TMEM121: variants seen among roughly 807,000 people sequenced by gnomAD.
TMEM121 encodes transmembrane protein 121.
In TMEM121, 8 loss-of-function variants were observed where a neutral mutation model predicts 16.4. That is an observed-to-expected ratio of 0.49 (90% confidence interval 0.29 to 0.88). The LOEUF is 0.88. TMEM121 is among the 40% of genes least tolerant of loss of function. The pLI is 0.09. For synonymous variants in TMEM121, 235 were observed against 226.2 expected (o/e 1.04, Z -0.35); for missense variants, 401 against 462.0 (o/e 0.87, Z 1.21).
rs1555444177 is a variant in TMEM121 at position 105,529,127 on chromosome 14, AGGCGGCGCGGCGCGGCGC to A, written c.299_316del (p.Ala100_Ala105del). ...CTCTACTTCATCTTCCAGAACTACA[AGGCGGCGCGGCGCGGCGC>A]GGCGGACCCCGTGGCGCGCAAGGCG... On this transcript the variant is annotated inframe_deletion, in exon 2 of 2. Coordinates refer to ENST00000392519, the MANE Select transcript of TMEM121 (RefSeq NM_025268.4). 1.2e-6 allele frequency: 2 copies of A among 1,608,540 alleles called. No individual in the cohort carries two copies. The highest frequency in any genetic ancestry group is 1.1e-5 in the South Asian group (1 of 90,876).
At position 105,529,136 on chromosome 14, in the gene TMEM121, G is replaced by A. The variant is rs782153486; in HGVS notation, c.302G>A (p.Arg101Gln). The change falls in exon 2 of 2, where the codon CGG becomes CAG. Residue 101 changes from arginine to glutamine, a missense_variant. Arg to Gln is a conservative substitution (Grantham distance 43). Coordinates refer to ENST00000392519, the MANE Select transcript of TMEM121 (RefSeq NM_025268.4). ...ATCTTCCAGAACTACAAGGCGGCGC[G>A]GCGCGGCGCGGCGGACCCCGTGGCG... ...YFIFQNYKAA[R>Q]RGAADPVARK... The A allele has an allele frequency of 5.0e-6, 8 of 1,602,966 alleles. No homozygotes were observed. In the African/African-American group the frequency reaches 5.3e-5, roughly 11 times the overall value.
At chr14:105,527,059 G>C (rs913857157) in intron 1 of TMEM121, 4 of 152,848 alleles carry the variant, frequency 2.6e-5, no homozygotes, top group Middle Eastern at 3.4e-3. Flanking sequence ...GCCTCGGCCG[G>C]GGCCCAGGAG....
At position 105,529,127 on chromosome 14, in the gene TMEM121, AGGC is replaced by A; in HGVS notation, c.298_300del (p.Ala100del). ...CTCTACTTCATCTTCCAGAACTACA[AGGC>A]GGCGCGGCGCGGCGCGGCGGACCCC... On this transcript the variant is annotated inframe_deletion, in exon 2 of 2. Transcript: ENST00000392519. 1 of 1,608,540 alleles carries A rather than the reference AGGC, an allele frequency of 6.2e-7. No homozygotes were observed. Among genetic ancestry groups the A allele is most frequent in the Non-Finnish European group, 8.5e-7 (1 of 1,178,970 alleles).
rs1160915586 is a variant in TMEM121, at chr14:105,528,801, C to T, written c.-34C>T. The T allele has an allele frequency of 1.2e-5, 16 of 1,352,974 alleles. No homozygotes were observed. The highest frequency in any genetic ancestry group is 1.4e-5 in the Non-Finnish European group (15 of 1,060,852). 83.8% of individuals were successfully genotyped at this position (1,352,974 alleles called of 1,614,324 possible). ...GCCTCGTCCCGCCAGGCGTGGGGGC[C>T]GCGCGCGCCCAGGCCGGGGCCCGGC... On this transcript the variant is annotated 5_prime_UTR_variant, in exon 2 of 2. Transcript: ENST00000392519.
Position 105,529,203 on chromosome 14 carries a change from C to T in TMEM121, c.369C>T (p.Gly123=). ...TGCTGCTGTCTGTGTGTGTGCCCGG[C>T]CTGTTCCTGCTGCTCGTGGCGCTGG... ...LTLLLSVCVP[G]LFLLLVALDR... is the part of the protein sequence containing the mutation. The change falls in exon 2 of 2, where the codon GGC becomes GGT. Residue 123 remains glycine (G), a synonymous_variant. Coordinates refer to ENST00000392519, the MANE Select transcript of TMEM121 (RefSeq NM_025268.4). 1.3e-6 allele frequency: 2 copies of T among 1,581,426 alleles called. No individual in the cohort carries two copies. Among genetic ancestry groups the T allele is most frequent in the South Asian group, 1.1e-5 (1 of 87,998 alleles).
Position 105,529,513 on chromosome 14 carries a change from G to A in TMEM121, c.679G>A (p.Val227Met), listed in dbSNP as rs1033308401. The change falls in exon 2 of 2, where the codon GTG becomes ATG. Residue 227 changes from valine to methionine, a missense_variant. Coordinates refer to ENST00000392519, the MANE Select transcript of TMEM121 (RefSeq NM_025268.4). ...GGTGCTCAGCCTCGCCACCGTCAAT[G>A]TGGTGGCCGTGCTGGCGCGCGCCGC... The part of the protein sequence containing the change: ...YPVLSLATVN[V>M]VAVLARAANM... 4 of 1,540,862 alleles carry A rather than the reference G, an allele frequency of 2.6e-6. No homozygotes were observed. Among genetic ancestry groups the A allele is most frequent in the Non-Finnish European group, 3.5e-6 (4 of 1,144,294 alleles).
At position 105,529,985 on chromosome 14, in the gene TMEM121, C is replaced by G; in HGVS notation, c.*191C>G. 1 of 566,916 alleles carries G rather than the reference C, an allele frequency of 1.8e-6. No homozygotes were observed. Among genetic ancestry groups the G allele is most frequent in the Non-Finnish European group, 3.0e-6 (1 of 338,350 alleles). 35.1% of individuals were successfully genotyped at this position (566,916 alleles called of 1,614,324 possible). A position where few individuals can be genotyped will look rare whatever the true frequency, so the allele number is the denominator to read the frequency against. ...TCGGACCGCGGATCCTCAGCCCCCG[C>G]TCCACCAGCCCGCCCCAGCGCGTGG... On this transcript the variant is annotated 3_prime_UTR_variant, in exon 2 of 2. Transcript: ENST00000392519.
In TMEM121 at chr14:105,528,756, C is replaced by G. The variant is rs587678848; in HGVS notation, c.-79C>G. On this transcript the variant is annotated 5_prime_UTR_variant, in exon 2 of 2. Transcript: ENST00000392519. ...TCGCCGGGCCGTGTCGCGCCATGCC[C>G]GCTGGCTGAGCGCCGCAGGGCCTCG... The G allele has an allele frequency of 1.7e-6, 2 of 1,176,182 alleles. No individual in the cohort carries two copies. The highest frequency in any genetic ancestry group is 2.1e-6 in the Non-Finnish European group (2 of 953,238). 72.9% of individuals were successfully genotyped at this position (1,176,182 alleles called of 1,614,324 possible).
In TMEM121 at chr14:105,529,582, G is replaced by A; in HGVS notation, c.748G>A (p.Val250Ile). Residue 250 changes from valine (V) to isoleucine (I), a missense_variant, in exon 2 of 2, where the codon GTC becomes ATC. Val to Ile is a conservative substitution (Grantham distance 29). Coordinates refer to ENST00000392519, the MANE Select transcript of TMEM121 (RefSeq NM_025268.4). ...FRDSRVSAIF[V>I]GKNVVALATK... ...GGACAGCCGTGTCTCGGCCATCTTC[G>A]TCGGCAAAAACGTGGTGGCGCTCGC... is the stretch of plus-strand genomic sequence containing the variant. 1.3e-6 allele frequency: 2 copies of A among 1,564,656 alleles called. No individual in the cohort carries two copies. The highest frequency in any genetic ancestry group is 1.7e-6 in the Non-Finnish European group (2 of 1,162,494).
At position 105,529,424 on chromosome 14, in the gene TMEM121, T is replaced by G. The variant is rs1337752496; in HGVS notation, c.590T>G (p.Val197Gly). Residue 197 changes from valine (V) to glycine (G), a missense_variant, in exon 2 of 2, where the codon GTG becomes GGG. By Grantham distance (109) the Val-to-Gly change is moderately radical. Coordinates refer to ENST00000392519, the MANE Select transcript of TMEM121 (RefSeq NM_025268.4). ...ATGCTGCTGCTGGTGCTGCCGTGCGTGGCGCTCAGCGAGGTCAGCATGCAG... is the reference window on the plus strand; with the variant it reads ...ATGCTGCTGCTGGTGCTGCCGTGCGGGGCGCTCAGCGAGGTCAGCATGCAG... ...CYMLLLVLPC[V>G]ALSEVSMQGE... 1 of 1,545,792 alleles carries G rather than the reference T, an allele frequency of 6.5e-7. No individual in the cohort carries two copies. The highest frequency in any genetic ancestry group is 8.7e-7 in the Non-Finnish European group (1 of 1,146,868).
Position 105,529,822 on chromosome 14 carries a change from C to T in TMEM121, c.*28C>T, listed in dbSNP as rs1555444397. On this transcript the variant is annotated 3_prime_UTR_variant, in exon 2 of 2. Coordinates refer to ENST00000392519, the MANE Select transcript of TMEM121 (RefSeq NM_025268.4). The stretch of plus-strand genomic sequence containing the variant: ...GGGCCCGCGCGGCCCCCGACACGCC[C>T]CTGGGGCGCAGAGACACCGGGTTGG... 7.2e-7 allele frequency: 1 copy of T among 1,388,078 alleles called. No individual in the cohort carries two copies. Among genetic ancestry groups the T allele is most frequent in the Non-Finnish European group, 9.2e-7 (1 of 1,081,230 alleles). The allele number at this position is 1,388,078 out of a possible 1,614,324, so 86.0% of individuals were successfully genotyped here.
chr14:105,527,653 G>A lies in TMEM121; in HGVS notation c.-114+1000G>A, dbSNP rs2084599876. On this transcript the variant is annotated intron_variant, in intron 1 of 1. Coordinates refer to ENST00000392519, the MANE Select transcript of TMEM121 (RefSeq NM_025268.4). ...TTCCCGGATCGGTGGGGCCTGCGGT[G>A]TCACCAGGGCAGTCCGAGCGCCCGA... Among the ~76,000 whole-genome samples, 4 of 152,126 alleles carry A rather than the reference G, an allele frequency of 2.6e-5. No homozygotes were observed. In the South Asian group the frequency reaches 8.3e-4, roughly 32 times the overall value.
At position 105,529,116 on chromosome 14, in the gene TMEM121, C is replaced by T. The variant is rs782344634; in HGVS notation, c.282C>T (p.Phe94=). The change falls in exon 2 of 2, where the codon TTC becomes TTT. Residue 94 remains phenylalanine, a synonymous_variant. Coordinates refer to ENST00000392519, the MANE Select transcript of TMEM121 (RefSeq NM_025268.4). The stretch of plus-strand genomic sequence containing the variant: ...TGGAGATCAAGCTCTACTTCATCTT[C>T]CAGAACTACAAGGCGGCGCGGCGCG... The part of the protein sequence containing the change: ...FVLEIKLYFI[F]QNYKAARRGA... 37 of 1,610,834 alleles carry T rather than the reference C, an allele frequency of 2.3e-5. No homozygotes were observed. Among genetic ancestry groups the T allele is most frequent in the Non-Finnish European group, 3.0e-5 (35 of 1,179,670 alleles).
At position 105,529,311 on chromosome 14, in the gene TMEM121, C is replaced by T; in HGVS notation, c.477C>T (p.Asp159=). The change falls in exon 2 of 2, where the codon GAC becomes GAT. Residue 159 remains aspartate (D), a synonymous_variant. Coordinates refer to ENST00000392519, the MANE Select transcript of TMEM121 (RefSeq NM_025268.4). The part of the protein sequence containing the change: ...RLFWVALDLL[D]LLDMQASLWE... ...TTTGGGTGGCGCTGGACCTGCTGGA[C>T]CTGCTGGACATGCAGGCCAGCCTGT... is the stretch of plus-strand genomic sequence containing the variant. The T allele has an allele frequency of 6.5e-7, 1 of 1,538,934 alleles. No individual in the cohort carries two copies. Among genetic ancestry groups the T allele is most frequent in the Non-Finnish European group, 8.7e-7 (1 of 1,146,662 alleles).
At chr14:105,527,638 G>C (rs1555443966) in intron 1 of TMEM121, among the ~76,000 whole-genome samples, 1 of 152,084 alleles carries the variant, frequency 6.6e-6, no homozygotes, top group African/African-American at 2.4e-5. Context: ...TTCCCGGATC[G>C]GTGGGGCCTG....
chr14:105,529,072 T>A lies in TMEM121; in HGVS notation c.238T>A (p.Phe80Ile). 6.2e-7 allele frequency: 1 copy of A among 1,612,280 alleles called. No homozygotes were observed. The change falls in exon 2 of 2, where the codon TTC becomes ATC. Residue 80 changes from phenylalanine (F) to isoleucine (I), a missense_variant. By Grantham distance (21) the Phe-to-Ile change is conservative. Transcript: ENST00000392519. ...GCGCGGCTACGCCATGATCCTGTGG[T>A]TCCTTTACATCTTCGTGCTGGAGAT... ...AKRGYAMILW[F>I]LYIFVLEIKL...
chr14:105,530,134 C>A lies in TMEM121; in HGVS notation c.*340C>A. On this transcript the variant is annotated 3_prime_UTR_variant, in exon 2 of 2. Transcript: ENST00000392519. The stretch of plus-strand genomic sequence containing the variant: ...CTGCTCCTTCGGTGGGGGCCTCTGG[C>A]TCAGATTTGGGGCCAAGGAGGCCTC... 1 of 324,354 alleles carries A rather than the reference C, an allele frequency of 3.1e-6. No homozygotes were observed. The highest frequency in any genetic ancestry group is 5.7e-6 in the Non-Finnish European group (1 of 176,110). The allele number at this position is 324,354 out of a possible 1,614,324, so 20.1% of individuals were successfully genotyped here. A position where few individuals can be genotyped will look rare whatever the true frequency, so the allele number is the denominator to read the frequency against.
chr14:105,528,487 C>T (rs1241702539), intron 1 of TMEM121: 1 of 167,070 alleles, frequency 6.0e-6, no homozygotes, highest in Non-Finnish European at 1.3e-5. Flanking sequence ...GTTCCGTTTC[C>T]TTCCTGGCGG....
chr14:105,526,953 A>G lies in TMEM121; in HGVS notation c.-114+300A>G, dbSNP rs1349479607. Among the ~76,000 whole-genome samples, 1 of 150,780 alleles carries G rather than the reference A, an allele frequency of 6.6e-6. No homozygotes were observed. Among genetic ancestry groups the G allele is most frequent in the Non-Finnish European group, 1.5e-5 (1 of 67,574 alleles). ...CTCCCGGGGGCTCCGAGGGGTGGTTATGGGGCGAGGGTCCTTGCGGGGCCC... is the reference window on the plus strand; with the variant it reads ...CTCCCGGGGGCTCCGAGGGGTGGTTGTGGGGCGAGGGTCCTTGCGGGGCCC... On this transcript the variant is annotated intron_variant, in intron 1 of 1. Transcript: ENST00000392519. This position sits in a 1 kb window ranked among gnomAD's most constrained non-coding sequence, Gnocchi z 6.8.
Sources: allele counts gnomAD v4.1 joint callset (sites outside exome capture counted in the v4.1 genomes callset), GRCh38; gene constraint gnomAD v4.1.1; non-coding constraint Gnocchi (gnomAD v3.1); transcripts MANE v1.5; gene names NCBI Gene and HGNC (gene_info 2026-07-23, HGNC 2026-07-21).